SLC4A1: variants seen among roughly 807,000 people sequenced by gnomAD.
SLC4A1 encodes the protein band 3 anion transport protein.
SLC4A1 carries 29 observed loss-of-function variants against 93.1 expected under a neutral mutation model. The ratio of observed to expected loss-of-function variants is 0.31; its 90% CI spans 0.23 to 0.42. The LOEUF (loss-of-function observed/expected upper bound fraction) is 0.42, where lower values mean the gene tolerates loss of function less well. Among genes scored for constraint, SLC4A1 ranks in the 20% least tolerant of loss-of-function variants. The probability of loss-of-function intolerance (pLI) is 1.00; values close to 1 mark genes in which losing one functional copy is unlikely to be tolerated. For missense variants in SLC4A1, 965 were observed against 1,190.1 expected, an observed-to-expected ratio of 0.81 and a Z score of 2.78; for synonymous variants, 469 against 497.2, an observed-to-expected ratio of 0.94 and a Z score of 0.76.
Position 44,260,672 on chromosome 17 carries a change from G to C in SLC4A1, c.312C>G (p.Phe104Leu), listed in dbSNP as rs2047435564. The change falls in exon 5 of 20, where the codon TTC becomes TTG. Residue 104 changes from phenylalanine to leucine, a missense_variant. Phe to Leu is a conservative substitution (Grantham distance 22, BLOSUM62 0). Transcript: ENST00000262418. ...CTCTACGCAGCTCTAGGAGGCTCCA[G>C]AAGGTGAGGTGAGAGAGGTGCGGGC... ...WGRPHLSHLTFWSLLELRRVF... is the reference protein window; with the variant it reads ...WGRPHLSHLTLWSLLELRRVF... The C allele has an allele frequency of 1.9e-6, 3 of 1,614,080 alleles. No individual in the cohort carries two copies. The highest frequency in any genetic ancestry group is 2.5e-6 in the Non-Finnish European group (3 of 1,180,036).
intron 7 of SLC4A1, 114 bp from the exon 8 acceptor site, chr17:44,259,695 G>A (rs1452870536): frequency 3.9e-6 from 6 of 1,554,758 alleles, no homozygotes; most frequent in Middle Eastern, 3.4e-4. Context: ...CCCGGGCACA[G>A]GAGTGCTTCT....
At position 44,263,030 on chromosome 17, in the gene SLC4A1, C is replaced by T. The variant is rs80003147; in HGVS notation, c.-68-96G>A. ...GCCACATGTCAGTGGAGGGGATCCA[C>T]GTGTTGGAGGTGGTAGGGCCAGAGG... On this transcript the variant is annotated intron_variant, in intron 1 of 19. Transcript: ENST00000262418. 1.7e-3 allele frequency: 1,755 copies of T among 1,011,304 alleles called. 11 individuals carry two copies. The African/African-American group carries it at 0.018, about 11-fold the overall frequency. The allele number at this position is 1,011,304 out of a possible 1,614,324, so 62.6% of individuals were successfully genotyped here. A position where few individuals can be genotyped will look rare whatever the true frequency, so the allele number is the denominator to read the frequency against.
chr17:44,266,656 G>A (rs142880020), intron 1 of SLC4A1, among the ~76,000 whole-genome samples: 1 of 152,304 alleles, frequency 6.6e-6, no homozygotes, highest in Non-Finnish European at 1.5e-5. Flanking sequence ...GCGCACCCAT[G>A]ACCCAGATTG....
rs540933073 is a variant in SLC4A1, at chr17:44,261,324, G to T, written c.168+251C>A. On this transcript the variant is annotated intron_variant, in intron 4 of 19. Coordinates refer to ENST00000262418, the MANE Select transcript of SLC4A1 (RefSeq NM_000342.4). ...AGTGACGCCCGACAGCCCAGCCAGG[G>T]CCTGAGGGCCTGGGGACTCAGCCCT... Among the ~76,000 whole-genome samples, 222 of 152,280 alleles carry T rather than the reference G, an allele frequency of 1.5e-3. 5 individuals are homozygous for T. Among genetic ancestry groups the T allele is most frequent in the Middle Eastern group, 0.01 (3 of 294 alleles).
intron 16 of SLC4A1, 136 bp from the exon 17 acceptor site, chr17:44,253,507 C>T: frequency 9.3e-7 from 1 of 1,072,074 alleles, no homozygotes; most frequent in East Asian, 2.6e-5. Flanking sequence ...CCTTGCTCCC[C>T]TCCCTCCCGC....
Position 44,250,221 on chromosome 17 carries a change from G to C in SLC4A1, c.*237C>G, listed in dbSNP as rs1353722213. 2.1e-5 allele frequency: 11 copies of C among 520,178 alleles called. No individual in the cohort carries two copies. In the South Asian group the frequency reaches 2.2e-4, roughly 10 times the overall value. The allele number at this position is 520,178 out of a possible 1,614,324, so 32.2% of individuals were successfully genotyped here. On this transcript the variant is annotated 3_prime_UTR_variant, in exon 20 of 20. Transcript: ENST00000262418. ...CCAGTGAAAGTGTGGCAACAGGAGG[G>C]ACTGTGCAACAAACCCCCTAATGTG... is the stretch of plus-strand genomic sequence containing the variant.
At position 44,249,101 on chromosome 17, in the gene SLC4A1, A is replaced by T. The variant is rs906028021; in HGVS notation, c.*1357T>A. On this transcript the variant is annotated 3_prime_UTR_variant, in exon 20 of 20. Coordinates refer to ENST00000262418, the MANE Select transcript of SLC4A1 (RefSeq NM_000342.4). ...GGTCTCAAACTCCTGACCTCAAATGATCCGCCCAACTTGGCCTCCCAAAGT... is the reference window on the plus strand; with the variant it reads ...GGTCTCAAACTCCTGACCTCAAATGTTCCGCCCAACTTGGCCTCCCAAAGT... 3 of 439,646 alleles carry T rather than the reference A, an allele frequency of 6.8e-6. No homozygotes were observed. Among genetic ancestry groups the T allele is most frequent in the African/African-American group, 6.1e-5 (3 of 48,818 alleles). The allele number at this position is 439,646 out of a possible 1,614,324, so 27.2% of individuals were successfully genotyped here. A position where few individuals can be genotyped will look rare whatever the true frequency, so the allele number is the denominator to read the frequency against.
In SLC4A1 at chr17:44,255,384, C is replaced by G. The variant is rs561198931; in HGVS notation, c.1801-88G>C. On this transcript the variant is annotated intron_variant, in intron 14 of 19. Coordinates refer to ENST00000262418, the MANE Select transcript of SLC4A1 (RefSeq NM_000342.4). ...CTGCCCTATATTCACCCACGGGGCC[C>G]TGCTCTTCCAGGGGATCCATCAGCA... 1.5e-3 allele frequency: 1,496 copies of G among 1,010,860 alleles called. 2 individuals carry two copies. The highest frequency in any genetic ancestry group is 2.3e-3 in the Middle Eastern group (10 of 4,296). The allele number at this position is 1,010,860 out of a possible 1,614,324, so 62.6% of individuals were successfully genotyped here. A position where few individuals can be genotyped will look rare whatever the true frequency, so the allele number is the denominator to read the frequency against.
intron 1 of SLC4A1, among the ~76,000 whole-genome samples, chr17:44,266,058 G>A (rs959843695): frequency 6.6e-6 from 1 of 152,136 alleles, no homozygotes; most frequent in African/African-American, 2.4e-5. Flanking sequence ...AGTCCTGGGG[G>A]TAGGGAGGGG....
chr17:44,252,994 T>G, intron 17 of SLC4A1, 124 bp downstream of exon 17: 1 of 1,012,040 alleles, frequency 9.9e-7, no homozygotes, highest in Non-Finnish European at 1.5e-6. Flanking sequence ...TGGGGAGATG[T>G]GGGGAAGTGG....
rs1315420990 is a variant in SLC4A1, at chr17:44,258,212, G to C, written c.1088-32C>G. Reference sequence around the variant, plus strand: ...TGGAGGATAAGAGCATGGTCAGAGGGAGTAGCTGGAGGAGGTGAGGGGAAA... The same window carrying C: ...TGGAGGATAAGAGCATGGTCAGAGGCAGTAGCTGGAGGAGGTGAGGGGAAA... On this transcript the variant is annotated intron_variant, in intron 10 of 19. Transcript: ENST00000262418. The surrounding 1 kb of genome is among the most constrained non-coding windows in gnomAD (Gnocchi z 6.1). 1 of 1,602,840 alleles carries C rather than the reference G, an allele frequency of 6.2e-7. No individual in the cohort carries two copies. The highest frequency in any genetic ancestry group is 8.5e-7 in the Non-Finnish European group (1 of 1,170,280).
intron 1 of SLC4A1, among the ~76,000 whole-genome samples, chr17:44,265,046 G>A (rs2047484089): frequency 8.4e-6 from 1 of 118,910 alleles, no homozygotes; most frequent in Admixed American, 8.1e-5. Context: ...TGTGGGAGGG[G>A]GTGCCGAGCA....
intron 1 of SLC4A1, among the ~76,000 whole-genome samples, chr17:44,264,023 G>T (rs1330767171): frequency 2.0e-5 from 3 of 151,576 alleles, no homozygotes; most frequent in African/African-American, 7.3e-5. Flanking sequence ...ATTTTTTTGA[G>T]AGCGGGTCTC....
chr17:44,260,348 G>A (rs1368678627), intron 6 of SLC4A1, 56 bp downstream of exon 6: 4 of 1,582,204 alleles, frequency 2.5e-6, no homozygotes, highest in Non-Finnish European at 3.4e-6. Context: ...GGGGCAAGTG[G>A]GCTGGGGAAG....
Position 44,255,756 on chromosome 17 carries a change from G to C in SLC4A1, c.1717C>G (p.Leu573Val). Residue 573 changes from leucine (L) to valine (V), a missense_variant, in exon 14 of 20, where the codon CTC (leucine) becomes GTC (valine). Transcript: ENST00000262418. ...PQGPLPNTALLSLVLMAGTFF... is the reference protein window; with the variant it reads ...PQGPLPNTALVSLVLMAGTFF... ...GTACCGGCCATGAGCACAAGGGAGA[G>C]GAGGGCTGTGTTGGGCAGGGGGCCC... 1.9e-6 allele frequency: 3 copies of C among 1,614,120 alleles called. No individual in the cohort carries two copies. Among genetic ancestry groups the C allele is most frequent in the Non-Finnish European group, 2.5e-6 (3 of 1,180,016 alleles).
chr17:44,253,023 G>T (rs2047356238), intron 17 of SLC4A1, 95 bp downstream of exon 17: 3 of 1,311,314 alleles, frequency 2.3e-6, no homozygotes, highest in Non-Finnish European at 3.2e-6. Context: ...GGGGGAGGCT[G>T]GAGGAGGTGC....
intron 1 of SLC4A1, among the ~76,000 whole-genome samples, chr17:44,264,124 T>C (rs1218692582): frequency 6.6e-6 from 1 of 152,128 alleles, no homozygotes; most frequent in African/African-American, 2.4e-5. Flanking sequence ...CACCTCAGCC[T>C]CCAGAGTAGC....
At chr17:44,263,968 G>T (rs1319707249) in intron 1 of SLC4A1, among the ~76,000 whole-genome samples, 1 of 151,926 alleles carries the variant, frequency 6.6e-6, no homozygotes. Context: ...TAGAAACAGG[G>T]TCTCACTATC....
In SLC4A1 at chr17:44,258,171, C is replaced by A; in HGVS notation, c.1097G>T (p.Gly366Val). 6.2e-7 allele frequency: 1 copy of A among 1,613,916 alleles called. No homozygotes were observed. Among genetic ancestry groups the A allele is most frequent in the Middle Eastern group, 1.6e-4 (1 of 6,062 alleles). ...CTGCTGCAGAGGGTCATCTGGGCCC[C>A]CATTTAAGTCTGTGGTGGAGGATAA... ...SSFYKGLDLN[G>V]GPDDPLQQTG... The change falls in exon 11 of 20, where the codon GGG (glycine) becomes GTG (valine). Residue 366 changes from glycine (G) to valine (V), a missense_variant. By Grantham distance (109) the Gly-to-Val change is moderately radical. Coordinates refer to ENST00000262418, the MANE Select transcript of SLC4A1 (RefSeq NM_000342.4). This position sits in a 1 kb window ranked among gnomAD's most constrained non-coding sequence, Gnocchi z 6.1.
Sources: gnomAD v4.1 joint callset for allele counts (sites outside exome capture counted in the v4.1 genomes callset) on GRCh38, gnomAD v4.1.1 for gene constraint, Gnocchi (gnomAD v3.1) non-coding constraint, MANE v1.5 for transcripts, NCBI Gene and HGNC (gene_info 2026-07-23, HGNC 2026-07-21) for gene names.